Variants in CLASP2 observed in about 807,000 individuals in gnomAD.
CLASP2 encodes the protein cytoplasmic linker associated protein 2, also known as CLIP-associating protein 2.
In CLASP2, 47 loss-of-function variants were observed where a neutral mutation model predicts 194.4. That is an observed-to-expected ratio of 0.24 (90% confidence interval 0.19 to 0.31). The LOEUF (loss-of-function observed/expected upper bound fraction) is 0.31, where lower values mean the gene tolerates loss of function less well. Ranked by LOEUF, CLASP2 falls within the 10% of genes least tolerant of loss-of-function variation. CLASP2 has a pLI of 1.00. For missense variants in CLASP2, 1,445 were observed against 1,823.6 expected (o/e 0.79, Z 3.78); for synonymous variants, 619 against 633.5 (o/e 0.98, Z 0.34).
chr3:33,703,550 T>C (rs905110140), intron 1 of CLASP2, among the ~76,000 whole-genome samples: 2 of 152,248 alleles, frequency 1.3e-5, no homozygotes, highest in Non-Finnish European at 2.9e-5. Flanking sequence ...CAAAGCTATA[T>C]ATACTTTCCC....
At position 33,573,276 on chromosome 3, in the gene CLASP2, A is replaced by G; in HGVS notation, c.2533T>C (p.Cys845Arg). 6.2e-7 allele frequency: 1 copy of G among 1,613,908 alleles called. No individual in the cohort carries two copies. The highest frequency in any genetic ancestry group is 8.5e-7 in the Non-Finnish European group (1 of 1,179,832). ...CGAGAACTATAGGAGCGTTCTGAAC[A>G]AGCACTAGATGCATCGCTGTTGGCG... ...DDANSDASSA[C>R]SERSYSSRNG... The change falls in exon 25 of 39, where the codon TGT (cysteine) becomes CGT (arginine). Residue 845 changes from cysteine (C) to arginine (R), a missense_variant. Coordinates refer to ENST00000682230, the MANE Select transcript of CLASP2 (RefSeq NM_001365631.1).
At chr3:33,600,081 A>ATT (rs201918217) in intron 18 of CLASP2, among the ~76,000 whole-genome samples, 2 of 151,328 alleles carry the variant, frequency 1.3e-5, no homozygotes, top group Admixed American at 6.6e-5. Context: ...TCATATATAT[A>ATT]TTTTTTTTGT....
chr3:33,717,692 G>A, intron 1 of CLASP2, 116 bp downstream of exon 1: 1 of 1,137,438 alleles, frequency 8.8e-7, no homozygotes, highest in Non-Finnish European at 1.2e-6. Context: ...CCCAAAGTGT[G>A]TTTCCCCTCT....
At chr3:33,708,538 ATATATG>A (rs2092833340) in intron 1 of CLASP2, among the ~76,000 whole-genome samples, 1 of 5,638 alleles carries the variant, frequency 1.8e-4, no homozygotes, top group East Asian at 1.0e-3. Context: ...ATATATATGT[ATATATG>A]TATATATATA....
chr3:33,672,516 G>C (rs2087524695), intron 6 of CLASP2, among the ~76,000 whole-genome samples: 1 of 152,176 alleles, frequency 6.6e-6, no homozygotes, highest in African/African-American at 2.4e-5. Flanking sequence ...AGAAGAACTG[G>C]AAACTCTAAA....
intron 29 of CLASP2, chr3:33,554,793 A>C (rs1350610494): frequency 6.5e-6 from 1 of 153,182 alleles, no homozygotes; most frequent in Non-Finnish European, 1.5e-5. Flanking sequence ...GAAGATTTCT[A>C]CAGAAATTAT....
intron 24 of CLASP2, 110 bp from the exon 25 acceptor site, chr3:33,573,464 C>T (rs1480541862): frequency 9.3e-7 from 1 of 1,072,148 alleles, no homozygotes; most frequent in Non-Finnish European, 1.4e-6. Flanking sequence ...CAGTGCAAAG[C>T]ATGCTCCTAA....
chr3:33,677,425 A>G (rs1431524442), intron 6 of CLASP2, among the ~76,000 whole-genome samples: 1 of 151,728 alleles, frequency 6.6e-6, no homozygotes, highest in Non-Finnish European at 1.5e-5. Context: ...GAAGTTGGAA[A>G]TCATCATTCT....
At chr3:33,504,867 A>T (rs759538061) in intron 37 of CLASP2, 1 of 152,504 alleles carries the variant, frequency 6.6e-6, no homozygotes, top group Non-Finnish European at 1.5e-5. Context: ...TCGCTTGCCC[A>T]CTGCTCACCT....
At chr3:33,566,344 C>T (rs1040325240) in intron 27 of CLASP2, among the ~76,000 whole-genome samples, 8 of 152,070 alleles carry the variant, frequency 5.3e-5, no homozygotes, top group Non-Finnish European at 1.0e-4. Context: ...AATTGTGAAA[C>T]TTCAGAATCA....
In CLASP2 at chr3:33,517,104, T is replaced by C. The variant is rs776038384; in HGVS notation, c.3858A>G (p.Val1286=). The change falls in exon 35 of 39, where the codon GTA becomes GTG. Residue 1286 remains valine, a synonymous_variant. Transcript: ENST00000682230. ...CATAGAGGGCAATTTTTCTTTCTTC[T>C]ACACGCTCATTATGGTTAGACAGCT... ...LKELSNHNER[V]EERKIALYEL... is the part of the protein sequence containing the mutation. 1.4e-5 allele frequency: 23 copies of C among 1,613,598 alleles called. No homozygotes were observed. The highest frequency in any genetic ancestry group is 1.8e-5 in the Non-Finnish European group (21 of 1,179,782).
Position 33,535,468 on chromosome 3 carries a change from A to G in CLASP2, c.3559-7T>C, listed in dbSNP as rs754459659. 10 of 1,606,010 alleles carry G rather than the reference A, an allele frequency of 6.2e-6. No homozygotes were observed. Among genetic ancestry groups the G allele is most frequent in the East Asian group, 2.2e-5 (1 of 44,822 alleles). On this transcript the variant is annotated splice_region_variant and splice_polypyrimidine_tract_variant and intron_variant, in intron 33 of 38. Coordinates refer to ENST00000682230, the MANE Select transcript of CLASP2 (RefSeq NM_001365631.1). Reference sequence around the variant, plus strand: ...TCCCAGGACCACCACACATCTATCAATGGGAAGTGAAAGCCACAGCAAATT... The same window carrying G: ...TCCCAGGACCACCACACATCTATCAGTGGGAAGTGAAAGCCACAGCAAATT...
chr3:33,631,860 AAG>A (rs1491200223), intron 9 of CLASP2, among the ~76,000 whole-genome samples: 1 of 105,240 alleles, frequency 9.5e-6, no homozygotes, highest in South Asian at 2.7e-4. Context: ...TATAAAAAAA[AAG>A]CACTGAGTAA....
At chr3:33,618,355 A>G (rs1029799650) in intron 12 of CLASP2, among the ~76,000 whole-genome samples, 1 of 152,200 alleles carries the variant, frequency 6.6e-6, no homozygotes, top group Non-Finnish European at 1.5e-5. Flanking sequence ...AAGTTTAAAA[A>G]GAAGCTAGGC....
intron 6 of CLASP2, among the ~76,000 whole-genome samples, chr3:33,682,398 G>T (rs1275420298): frequency 2.6e-5 from 4 of 152,132 alleles, no homozygotes; most frequent in African/African-American, 9.7e-5. Flanking sequence ...GTAGTCTAGG[G>T]TGTAACACAA....
intron 7 of CLASP2, chr3:33,658,962 A>T: frequency 2.0e-6 from 3 of 1,533,854 alleles, no homozygotes; most frequent in Non-Finnish European, 2.6e-6. Context: ...AAGAAAAATA[A>T]ATCTTACTCA....
chr3:33,686,759 A>G (rs2154346262), intron 5 of CLASP2, among the ~76,000 whole-genome samples: 1 of 152,360 alleles, frequency 6.6e-6, no homozygotes, highest in South Asian at 2.1e-4. Flanking sequence ...CACAATTAAC[A>G]TACAGGTAGA....
chr3:33,650,599 A>G (rs1000325193), intron 7 of CLASP2, among the ~76,000 whole-genome samples: 2 of 152,030 alleles, frequency 1.3e-5, no homozygotes, highest in Non-Finnish European at 1.5e-5. Context: ...GAAGGAAGAG[A>G]TGGAAATGAA....
intron 2 of CLASP2, among the ~76,000 whole-genome samples, chr3:33,690,763 A>C (rs1319440465): frequency 6.6e-6 from 1 of 152,182 alleles, no homozygotes; most frequent in Non-Finnish European, 1.5e-5. Context: ...TGGGATGTGA[A>C]TCCTTCCTTT....
Sources: gnomAD v4.1 joint callset for allele counts (sites outside exome capture counted in the v4.1 genomes callset) on GRCh38, gnomAD v4.1.1 for gene constraint, MANE v1.5 for transcripts, NCBI Gene and HGNC (gene_info 2026-07-23, HGNC 2026-07-21) for gene names.